Variants in CD226 observed in about 807,000 individuals in gnomAD.
CD226 encodes CD226 antigen.
A neutral mutation model predicts 34.9 loss-of-function variants in CD226; 24 were observed. The ratio of observed to expected loss-of-function variants is 0.69; its 90% confidence interval spans 0.50 to 0.97. CD226 has a LOEUF of 0.97. Ranked by LOEUF, CD226 falls within the 50% of genes least tolerant of loss-of-function variation. CD226 has a pLI of 0.00. For synonymous variants in CD226, 148 were observed against 147.4 expected, an observed-to-expected ratio of 1.00 and a Z score of -0.03; for missense variants, 397 against 412.7, an observed-to-expected ratio of 0.96 and a Z score of 0.33.
intron 3 of CD226, among the ~76,000 whole-genome samples, chr18:69,892,109 C>T (rs193134798): frequency 1.3e-5 from 2 of 152,160 alleles, no homozygotes; most frequent in African/African-American, 2.4e-5. Context: ...GATGGTCCCG[C>T]CTGAGTGGTC....
rs199638156 is a variant in CD226 at position 69,864,281 on chromosome 18, G to C, written c.*33C>G. 2 of 1,608,936 alleles carry C rather than the reference G, an allele frequency of 1.2e-6. No individual in the cohort carries two copies. Among genetic ancestry groups the C allele is most frequent in the Non-Finnish European group, 1.7e-6 (2 of 1,175,728 alleles). ...AAGATCCATGCATGAGTACATAAGA[G>C]TCATTACTAATGCACTCATGTCAAG... is the stretch of plus-strand genomic sequence containing the variant. On this transcript the variant is annotated 3_prime_UTR_variant, in exon 6 of 6. Coordinates refer to ENST00000582621, the MANE Select transcript of CD226 (RefSeq NM_001303618.2).
intron 2 of CD226, among the ~76,000 whole-genome samples, chr18:69,908,657 C>CT (rs74415574): frequency 0.088 from 13,350 of 152,268 alleles, 810 homozygotes; most frequent in Middle Eastern, 0.29. Flanking sequence ...GACTATATAA[C>CT]TAACATATAA....
intron 2 of CD226, among the ~76,000 whole-genome samples, chr18:69,904,312 A>G (rs903989788): frequency 6.6e-6 from 1 of 152,204 alleles, no homozygotes; most frequent in East Asian, 1.9e-4. Context: ...CAGTATGTCC[A>G]AAGAGCGATT....
upstream of CD226, among the ~76,000 whole-genome samples, chr18:69,960,835 G>A (rs900806697): frequency 2.0e-5 from 3 of 152,170 alleles, no homozygotes; most frequent in African/African-American, 7.2e-5. Flanking sequence ...GAAAATTTAT[G>A]AGAAACTAAC....
At chr18:69,879,278 A>C (rs1159196335) in intron 3 of CD226, among the ~76,000 whole-genome samples, 1 of 152,192 alleles carries the variant, frequency 6.6e-6, no homozygotes, top group Non-Finnish European at 1.5e-5. Context: ...TCCTAATCCT[A>C]GCAAGCCTGG....
chr18:69,898,145 C>T (rs1183863633), intron 2 of CD226, among the ~76,000 whole-genome samples: 1 of 151,678 alleles, frequency 6.6e-6, no homozygotes, highest in Non-Finnish European at 1.5e-5. Context: ...GAAGGAAATG[C>T]GTGACAACAT....
rs754954012 is a variant in CD226 at position 69,880,348 on chromosome 18, GAAAGA to G, written c.728-7107_728-7103del. On this transcript the variant is annotated intron_variant, in intron 3 of 5. Transcript: ENST00000582621. ...AGAAAGAGAGAAAGAAAGAAAGAAAGAAAGAAAGAAAGGAAGGAAGGAAGGAAGGA... is the reference window on the plus strand; with the variant it reads ...AGAAAGAGAGAAAGAAAGAAAGAAAGAAGAAAGGAAGGAAGGAAGGAAGGA... 3.6e-5 allele frequency among the ~76,000 whole-genome samples: 3 copies of G among 83,328 alleles called. No individual in the cohort carries two copies. The East Asian group carries it at 1.5e-3, about 42-fold the overall frequency. 54.7% of individuals were successfully genotyped at this position (83,328 alleles called of 152,430 possible).
chr18:69,930,126 G>T (rs2055571609), intron 2 of CD226, among the ~76,000 whole-genome samples: 2 of 152,132 alleles, frequency 1.3e-5, no homozygotes, highest in South Asian at 4.1e-4. Flanking sequence ...ACATTATTCA[G>T]ATCAGACTTT....
chr18:69,905,822 C>A (rs2055245930), intron 2 of CD226, among the ~76,000 whole-genome samples: 1 of 152,186 alleles, frequency 6.6e-6, no homozygotes, highest in African/African-American at 2.4e-5. Context: ...CTGATGGCAT[C>A]TGCAGAGACC....
Position 69,900,228 on chromosome 18 carries a change from G to A in CD226, c.383-4183C>T, listed in dbSNP as rs367627254. Among the ~76,000 whole-genome samples, 31 of 152,272 alleles carry A rather than the reference G, an allele frequency of 2.0e-4. No individual in the cohort carries two copies. The East Asian group carries it at 2.1e-3, about 10-fold the overall frequency. ...TCTCACTTTCAAATGGGAGCTAAAG[G>A]ATAAGAAGTTAGGAACATAAAGAAG... On this transcript the variant is annotated intron_variant, in intron 2 of 5. Coordinates refer to ENST00000582621, the MANE Select transcript of CD226 (RefSeq NM_001303618.2).
intron 3 of CD226, among the ~76,000 whole-genome samples, chr18:69,894,622 G>A (rs1985157231): frequency 1.1e-5 from 1 of 89,200 alleles, no homozygotes; most frequent in Admixed American, 1.1e-4. Flanking sequence ...GGGAGGGAAG[G>A]AAGGGGAGGG....
rs1982561476 is a variant in CD226 at position 69,854,619 on chromosome 18, TC to T, written c.*9694del. ...CATCCCAGCCCCTGAAGTCTCCCTG[TC>T]CCACTTAAGGAAAGAGGGAAAATAA... is the stretch of plus-strand genomic sequence containing the variant. On this transcript the variant is annotated 3_prime_UTR_variant, in exon 6 of 6. Coordinates refer to ENST00000582621, the MANE Select transcript of CD226 (RefSeq NM_001303618.2). 1 of 152,240 alleles carries T rather than the reference TC, an allele frequency of 6.6e-6. No homozygotes were observed. The highest frequency in any genetic ancestry group is 1.5e-5 in the Non-Finnish European group (1 of 68,086). The allele number at this position is 152,240 out of a possible 1,614,324, so 9.4% of individuals were successfully genotyped here.
chr18:69,922,248 T>A (rs1356297400), intron 2 of CD226, among the ~76,000 whole-genome samples: 3 of 152,184 alleles, frequency 2.0e-5, no homozygotes, highest in Admixed American at 6.5e-5. Flanking sequence ...TGTCAAGAAG[T>A]AAGGCCTTGA....
chr18:69,928,718 T>C (rs887905638), intron 2 of CD226, among the ~76,000 whole-genome samples: 2 of 152,234 alleles, frequency 1.3e-5, no homozygotes, highest in African/African-American at 4.8e-5. Flanking sequence ...AGCATTTCCT[T>C]TGAGCATCAT....
chr18:69,945,794 T>A (rs2055781596), intron 2 of CD226, among the ~76,000 whole-genome samples: 1 of 152,122 alleles, frequency 6.6e-6, no homozygotes, highest in Non-Finnish European at 1.5e-5. Context: ...GAGGTTTAAT[T>A]GGACTTACAG....
intron 4 of CD226, among the ~76,000 whole-genome samples, chr18:69,869,570 G>C (rs182008180): frequency 6.6e-6 from 1 of 152,174 alleles, no homozygotes; most frequent in African/African-American, 2.4e-5. Flanking sequence ...CTTAATACCT[G>C]GGTGATGCAA....
intron 2 of CD226, among the ~76,000 whole-genome samples, chr18:69,915,804 A>G (rs1376880792): frequency 6.6e-6 from 1 of 152,316 alleles, no homozygotes; most frequent in African/African-American, 2.4e-5. Context: ...AATTGCCTTC[A>G]TAATGGCTTC....
chr18:69,956,977 C>T (rs1294267489), exon 1 of CD226: 2 of 152,184 alleles, frequency 1.3e-5, no homozygotes, highest in Non-Finnish European at 2.9e-5. Flanking sequence ...CTTCTCTCTA[C>T]CAGAACTTCC....
rs1458873324 is a variant in CD226 at position 69,854,819 on chromosome 18, A to G, written c.*9495T>C. On this transcript the variant is annotated 3_prime_UTR_variant, in exon 6 of 6. Coordinates refer to ENST00000582621, the MANE Select transcript of CD226 (RefSeq NM_001303618.2). ...ATTACAGAGCACTCTCCTTTCCCAC[A>G]GCTTAGTACTACACCAACAGGGCTC... 6.6e-6 allele frequency: 1 copy of G among 152,256 alleles called. No homozygotes were observed. Among genetic ancestry groups the G allele is most frequent in the Non-Finnish European group, 1.5e-5 (1 of 68,068 alleles). The allele number at this position is 152,256 out of a possible 1,614,324, so 9.4% of individuals were successfully genotyped here.
Sources: allele counts gnomAD v4.1 joint callset (sites outside exome capture counted in the v4.1 genomes callset), GRCh38; gene constraint gnomAD v4.1.1; transcripts MANE v1.5; gene names NCBI Gene and HGNC (gene_info 2026-07-23, HGNC 2026-07-21).